RAPGEF5: variants seen among roughly 807,000 people sequenced by gnomAD.
The protein encoded by RAPGEF5 is Rap guanine nucleotide exchange factor 5, also known as M-Ras-regulated GEF.
Under a neutral mutation model 125.2 loss-of-function variants are expected in RAPGEF5, and 65 were observed. The observed-to-expected ratio is 0.52, with a 90% CI of 0.43 to 0.64. The LOEUF is 0.64. Ranked by LOEUF, RAPGEF5 falls within the 30% of genes least tolerant of loss-of-function variation. The probability of loss-of-function intolerance (pLI) is 0.00; values close to 1 mark genes in which losing one functional copy is unlikely to be tolerated. For missense variants in RAPGEF5, 958 were observed against 1,048.1 expected (o/e 0.91, Z 1.19); for synonymous variants, 391 against 385.9 (o/e 1.01, Z -0.16).
intron 11 of RAPGEF5, among the ~76,000 whole-genome samples, chr7:22,173,947 T>C (rs1484518735): frequency 6.6e-6 from 1 of 152,104 alleles, no homozygotes; most frequent in Non-Finnish European, 1.5e-5. Flanking sequence ...GAAAACAGTA[T>C]AAAGAATACT....
chr7:22,258,549 G>A (rs1435516954), intron 7 of RAPGEF5, among the ~76,000 whole-genome samples: 1 of 151,168 alleles, frequency 6.6e-6, no homozygotes, highest in African/African-American at 2.4e-5. Context: ...ACTTGAACCG[G>A]GGAGGCAGAG....
intron 9 of RAPGEF5, among the ~76,000 whole-genome samples, chr7:22,202,510 A>G (rs1377236606): frequency 6.6e-6 from 1 of 152,200 alleles, no homozygotes; most frequent in South Asian, 2.1e-4. Flanking sequence ...ACTAAAAAAG[A>G]TGATAAAGGC....
At chr7:22,274,834 A>G (rs1782520183) in intron 6 of RAPGEF5, among the ~76,000 whole-genome samples, 1 of 152,168 alleles carries the variant, frequency 6.6e-6, no homozygotes, top group Non-Finnish European at 1.5e-5. Context: ...AAATCATCCT[A>G]AAATATAAAT....
In RAPGEF5 at chr7:22,234,873, T is replaced by TATA. The variant is rs144737054; in HGVS notation, c.797-3957_797-3955dup. On this transcript the variant is annotated intron_variant, in intron 7 of 25. Transcript: ENST00000665637. Reference sequence around the variant, plus strand: ...AAAACAACTCTGTCAGTAACTCTATTATAATAATAATACTTAAACACAAAG... The same window carrying TATA: ...AAAACAACTCTGTCAGTAACTCTATTATAATAATAATAATACTTAAACACAAAG... 1.2e-4 allele frequency among the ~76,000 whole-genome samples: 18 copies of TATA among 152,186 alleles called. No individual in the cohort carries two copies. In the South Asian group the frequency reaches 3.3e-3, roughly 28 times the overall value.
chr7:22,125,883 C>G (rs1782725638), intron 24 of RAPGEF5, among the ~76,000 whole-genome samples: 1 of 152,162 alleles, frequency 6.6e-6, no homozygotes, highest in Non-Finnish European at 1.5e-5. Flanking sequence ...TGAGGTGGCT[C>G]TCACCTGTAA....
chr7:22,126,326 G>T (rs141669552), intron 24 of RAPGEF5, among the ~76,000 whole-genome samples: 1 of 152,300 alleles, frequency 6.6e-6, no homozygotes, highest in African/African-American at 2.4e-5. Context: ...GCCTTTCTGA[G>T]ATGTCCCTCC....
rs1444697905 is a variant in RAPGEF5 at position 22,125,588 on chromosome 7, G to A, written c.2536+16C>T. On this transcript the variant is annotated intron_variant, in intron 25 of 25. Transcript: ENST00000665637. ...TAGAGTCAATTTACATTCCGCACCT[G>A]ACTTCAATTACTCACCAAACTGGTT... The A allele has an allele frequency of 4.4e-6, 7 of 1,602,138 alleles. No homozygotes were observed. In the South Asian group the frequency reaches 6.6e-5, roughly 15 times the overall value.
intron 6 of RAPGEF5, among the ~76,000 whole-genome samples, chr7:22,281,322 C>A (rs570536148): frequency 6.6e-6 from 1 of 152,312 alleles, no homozygotes; most frequent in East Asian, 1.9e-4. Flanking sequence ...AGCCATCCTC[C>A]CACCTCAGCC....
intron 7 of RAPGEF5, among the ~76,000 whole-genome samples, chr7:22,232,581 A>C (rs55939241): frequency 0.22 from 33,167 of 152,064 alleles, 3,781 homozygotes; most frequent in South Asian, 0.27. Context: ...TGGCCTCCCA[A>C]AGTGCTGGGA....
intron 1 of RAPGEF5, among the ~76,000 whole-genome samples, chr7:22,328,440 C>G: frequency 6.6e-6 from 1 of 152,186 alleles, no homozygotes; most frequent in East Asian, 1.9e-4. Flanking sequence ...TACAGAATTT[C>G]TAAGGGCTTC....
intron 7 of RAPGEF5, among the ~76,000 whole-genome samples, chr7:22,261,499 C>G (rs548186699): frequency 6.6e-6 from 1 of 152,068 alleles, no homozygotes; most frequent in Non-Finnish European, 1.5e-5. Context: ...GTAGCCCCAG[C>G]TACTCAGGAA....
chr7:22,169,881 A>AAAAAAAAAAAAG (rs1784295492), intron 11 of RAPGEF5, among the ~76,000 whole-genome samples: 1 of 147,552 alleles, frequency 6.8e-6, no homozygotes. Flanking sequence ...AAAAAAAAAA[A>AAAAAAAAAAAAG]GCTGAATCTT....
chr7:22,237,450 A>G (rs931087580), intron 7 of RAPGEF5, among the ~76,000 whole-genome samples: 5 of 146,812 alleles, frequency 3.4e-5, no homozygotes, highest in Admixed American at 1.4e-4. Flanking sequence ...TTCTTTCCTC[A>G]GGAAACAACC....
chr7:22,293,806 G>C (rs1049522402), intron 5 of RAPGEF5, among the ~76,000 whole-genome samples: 4 of 152,182 alleles, frequency 2.6e-5, no homozygotes, highest in African/African-American at 9.7e-5. Context: ...GGAAAGAAGA[G>C]AGAAGGCAAT....
At chr7:22,255,317 C>A (rs1786731785) in intron 7 of RAPGEF5, among the ~76,000 whole-genome samples, 1 of 152,098 alleles carries the variant, frequency 6.6e-6, no homozygotes, top group Non-Finnish European at 1.5e-5. Context: ...AGCTGGGCAC[C>A]ATGGCTCACA....
intron 7 of RAPGEF5, among the ~76,000 whole-genome samples, chr7:22,248,856 G>A (rs1289813717): frequency 6.6e-6 from 1 of 152,144 alleles, no homozygotes; most frequent in Non-Finnish European, 1.5e-5. Flanking sequence ...CAAATTGTAT[G>A]GGTCATGCTT....
intron 11 of RAPGEF5, among the ~76,000 whole-genome samples, chr7:22,182,604 G>A (rs898392829): frequency 3.3e-5 from 5 of 152,098 alleles, no homozygotes; most frequent in African/African-American, 1.2e-4. Flanking sequence ...AGAAAATATG[G>A]CAATTTACAC....
rs575481596 is a variant in RAPGEF5, at chr7:22,173,640, C to G, written c.1205-6492G>C. Among the ~76,000 whole-genome samples the G allele has an allele frequency of 2.4e-4, 36 of 152,310 alleles. 1 individual carries two copies. The South Asian group carries it at 7.5e-3, about 32-fold the overall frequency. ...CAGTTTTAGAATCCTGTCATTCCGTCTTCAAGAAAGAATGATTTGAATACA... is the reference window on the plus strand; with the variant it reads ...CAGTTTTAGAATCCTGTCATTCCGTGTTCAAGAAAGAATGATTTGAATACA... On this transcript the variant is annotated intron_variant, in intron 11 of 25. Coordinates refer to ENST00000665637, the MANE Select transcript of RAPGEF5 (RefSeq NM_012294.5).
At chr7:22,146,866 T>C in intron 19 of RAPGEF5, 31 bp downstream of exon 19, 1 of 1,600,234 alleles carries the variant, frequency 6.2e-7, no homozygotes, top group Non-Finnish European at 8.5e-7. Context: ...TAAAACAGCA[T>C]TTGTATTTTA....
Sources: allele counts gnomAD v4.1 joint callset (sites outside exome capture counted in the v4.1 genomes callset), GRCh38; gene constraint gnomAD v4.1.1; transcripts MANE v1.5; gene names NCBI Gene and HGNC (gene_info 2026-07-23, HGNC 2026-07-21).